Variants in NR6A1 observed in about 807,000 individuals in gnomAD.
The protein encoded by NR6A1 is retinoic acid receptor-related testis-associated receptor.
In NR6A1, 7 loss-of-function variants were observed where a neutral mutation model predicts 59.1. The ratio of observed to expected loss-of-function variants is 0.12; its 90% CI spans 0.07 to 0.22. The LOEUF is 0.22. NR6A1 is among the 10% of genes least tolerant of loss of function. The probability of loss-of-function intolerance (pLI) is 1.00; values close to 1 mark genes in which losing one functional copy is unlikely to be tolerated. For missense variants in NR6A1, 468 were observed against 611.6 expected, an observed-to-expected ratio of 0.77 and a Z score of 2.48; for synonymous variants, 243 against 236.1, an observed-to-expected ratio of 1.03 and a Z score of -0.27.
intron 4 of NR6A1, among the ~76,000 whole-genome samples, chr9:124,540,668 G>A (rs1440331613): frequency 6.6e-6 from 1 of 152,144 alleles, no homozygotes; most frequent in Non-Finnish European, 1.5e-5. Flanking sequence ...GCCTGGTGGT[G>A]CATGCCTGTA....
At chr9:124,612,988 T>A (rs1055203453) in intron 2 of NR6A1, among the ~76,000 whole-genome samples, 4 of 152,180 alleles carry the variant, frequency 2.6e-5, no homozygotes, top group African/African-American at 4.8e-5. Context: ...CAGAAGTACT[T>A]GTGCAGGAGT....
intron 1 of NR6A1, among the ~76,000 whole-genome samples, chr9:124,765,999 A>G (rs1840924677): frequency 6.6e-6 from 1 of 152,204 alleles, no homozygotes; most frequent in South Asian, 2.1e-4. Context: ...TCTTAAAGAC[A>G]AGCCATGTTG....
intron 2 of NR6A1, chr9:124,599,134 C>T (rs988015442): frequency 6.1e-6 from 4 of 652,870 alleles, no homozygotes; most frequent in Admixed American, 4.2e-5. Flanking sequence ...ATCACAGTTT[C>T]GCCCCCATTT....
intron 2 of NR6A1, among the ~76,000 whole-genome samples, chr9:124,726,677 A>ATTCTTCACTTCTTCTCAC (rs1839728463): frequency 6.6e-6 from 1 of 152,136 alleles, no homozygotes; most frequent in African/African-American, 2.4e-5. Flanking sequence ...TGACCAAGAA[A>ATTCTTCACTTCTTCTCAC]TTCTTCACTT....
intron 2 of NR6A1, among the ~76,000 whole-genome samples, chr9:124,566,283 C>T (rs552713113): frequency 6.6e-6 from 1 of 152,292 alleles, no homozygotes; most frequent in African/African-American, 2.4e-5. Flanking sequence ...TAGGGAGAAG[C>T]TTCTGGATCC....
At chr9:124,528,075 G>C (rs1588638116) in intron 7 of NR6A1, among the ~76,000 whole-genome samples, 1 of 152,352 alleles carries the variant, frequency 6.6e-6, no homozygotes, top group East Asian at 1.9e-4. Flanking sequence ...CTACAGGCCT[G>C]TGCCAAGCCA....
In NR6A1 at chr9:124,536,173, G is replaced by C. The variant is rs771300926; in HGVS notation, c.825-41C>G. The C allele has an allele frequency of 1.7e-5, 27 of 1,593,164 alleles. No homozygotes were observed. In the South Asian group the frequency reaches 2.8e-4, roughly 17 times the overall value. Reference sequence around the variant, plus strand: ...AGGGGAAAGTCACTTCCATTGGTCAGAGGGTGAGGATAAGGGTACAGAGAG... The same window carrying C: ...AGGGGAAAGTCACTTCCATTGGTCACAGGGTGAGGATAAGGGTACAGAGAG... On this transcript the variant is annotated intron_variant, in intron 6 of 9. Transcript: ENST00000487099.
intron 2 of NR6A1, among the ~76,000 whole-genome samples, chr9:124,573,241 C>G (rs371956376): frequency 6.6e-6 from 1 of 152,100 alleles, no homozygotes; most frequent in Non-Finnish European, 1.5e-5. Flanking sequence ...GAGCTGTGAA[C>G]GCTGTAATTT....
At chr9:124,718,851 G>A (rs1336451723) in intron 2 of NR6A1, among the ~76,000 whole-genome samples, 1 of 114,628 alleles carries the variant, frequency 8.7e-6, no homozygotes, top group Non-Finnish European at 1.6e-5. Context: ...GTCTCGTTCT[G>A]CTGCCCAGGC....
chr9:124,769,558 T>C (rs995842682), intron 1 of NR6A1, among the ~76,000 whole-genome samples: 1 of 152,322 alleles, frequency 6.6e-6, no homozygotes, highest in East Asian at 1.9e-4. Context: ...GGTGAAGCAG[T>C]TAATTTTTAG....
At chr9:124,569,354 T>C (rs1834371834) in intron 2 of NR6A1, among the ~76,000 whole-genome samples, 1 of 152,210 alleles carries the variant, frequency 6.6e-6, no homozygotes. Context: ...GCCTTGCTGT[T>C]ACAAAAATAC....
At chr9:124,747,187 C>CTT (rs35429356) in intron 1 of NR6A1, among the ~76,000 whole-genome samples, 4,230 of 122,418 alleles carry the variant, frequency 0.035, 177 homozygotes, top group South Asian at 0.047. Context: ...CCTTGTCTGA[C>CTT]TTTTTTTTTT....
chr9:124,537,710 C>G (rs1431973756), intron 6 of NR6A1, among the ~76,000 whole-genome samples: 1 of 152,132 alleles, frequency 6.6e-6, no homozygotes, highest in Non-Finnish European at 1.5e-5. Context: ...GGGGTGCAGA[C>G]AGGCTACAAC....
rs144309425 is a variant in NR6A1 at position 124,723,834 on chromosome 9, T to C, written c.142+9474A>G. Among the ~76,000 whole-genome samples, 842 of 152,368 alleles carry C rather than the reference T, an allele frequency of 5.5e-3. 7 individuals are homozygous for C. Among genetic ancestry groups the C allele is most frequent in the African/African-American group, 0.019 (800 of 41,586 alleles). ...AAAGGAAGGCAGAGAGTTTAAGTAA[T>C]TTAACCAAGATTACAGTGAAGCCAA... On this transcript the variant is annotated intron_variant, in intron 2 of 9. Coordinates refer to ENST00000487099, the MANE Select transcript of NR6A1 (RefSeq NM_033334.4).
In NR6A1 at chr9:124,728,637, AAAAT is replaced by A. The variant is rs57250774; in HGVS notation, c.142+4667_142+4670del. 1.7e-3 allele frequency among the ~76,000 whole-genome samples: 241 copies of A among 144,944 alleles called. 2 individuals are homozygous for A. Among genetic ancestry groups the A allele is most frequent in the South Asian group, 4.4e-3 (20 of 4,530 alleles). On this transcript the variant is annotated intron_variant, in intron 2 of 9. Coordinates refer to ENST00000487099, the MANE Select transcript of NR6A1 (RefSeq NM_033334.4). ...GTGACAGAGCGAGACTCCGCCTCAA[AAAAT>A]AAATAAATAAATAAATAAATAAATA...
chr9:124,627,034 T>A (rs1237795631), intron 2 of NR6A1, among the ~76,000 whole-genome samples: 2 of 152,356 alleles, frequency 1.3e-5, no homozygotes, highest in East Asian at 3.9e-4. Flanking sequence ...CACAAATGAA[T>A]GTTGTTCTAT....
At chr9:124,770,950 G>A (rs1042144933) in intron 1 of NR6A1, 70 bp downstream of exon 1, 3 of 895,302 alleles carry the variant, frequency 3.4e-6, no homozygotes, top group African/African-American at 3.5e-5. Context: ...GCAGAGAGGA[G>A]GGGGATCCCT....
intron 2 of NR6A1, among the ~76,000 whole-genome samples, chr9:124,638,180 T>A (rs1836670998): frequency 6.6e-6 from 1 of 151,788 alleles, no homozygotes; most frequent in Non-Finnish European, 1.5e-5. Flanking sequence ...TGCTTGAGCC[T>A]AGGAGTTTGA....
chr9:124,667,537 T>C (rs1837660624), intron 2 of NR6A1, among the ~76,000 whole-genome samples: 1 of 152,172 alleles, frequency 6.6e-6, no homozygotes, highest in Non-Finnish European at 1.5e-5. Flanking sequence ...GTGAAGTAGA[T>C]CACTGTCCTC....
Sources: allele counts gnomAD v4.1 joint callset (sites outside exome capture counted in the v4.1 genomes callset), GRCh38; gene constraint gnomAD v4.1.1; transcripts MANE v1.5; gene names NCBI Gene and HGNC (gene_info 2026-07-23, HGNC 2026-07-21).